Variants in RALGPS2 observed in about 807,000 individuals in gnomAD.
The protein encoded by RALGPS2 is ras-specific guanine nucleotide-releasing factor RalGPS2.
A neutral mutation model predicts 86.8 loss-of-function variants in RALGPS2; 43 were observed. The observed-to-expected ratio is 0.50, with a 90% confidence interval of 0.39 to 0.64. RALGPS2 has a LOEUF of 0.64. RALGPS2 is among the 30% of genes least tolerant of loss of function. RALGPS2 has a pLI of 0.00. For missense variants in RALGPS2, 536 were observed against 694.6 expected (o/e 0.77, Z 2.57); for synonymous variants, 243 against 231.3 (o/e 1.05, Z -0.46).
chr1:178,838,035 T>C (rs1656372216), intron 8 of RALGPS2, among the ~76,000 whole-genome samples: 1 of 152,044 alleles, frequency 6.6e-6, no homozygotes, highest in Admixed American at 6.6e-5. Flanking sequence ...GCCTGGAAGC[T>C]CAAACTGGGT....
At chr1:178,910,126 T>C (rs1199628920) in intron 19 of RALGPS2, among the ~76,000 whole-genome samples, 1 of 152,234 alleles carries the variant, frequency 6.6e-6, no homozygotes, top group African/African-American at 2.4e-5. Context: ...CCTGAGACTT[T>C]GCTGAAGTTG....
At chr1:178,735,956 CT>C (rs1054838708) in intron 1 of RALGPS2, among the ~76,000 whole-genome samples, 1 of 151,892 alleles carries the variant, frequency 6.6e-6, no homozygotes, top group Non-Finnish European at 1.5e-5. Context: ...GAGTTAACAT[CT>C]TTTTTTATAG....
intron 4 of RALGPS2, among the ~76,000 whole-genome samples, chr1:178,793,214 ATC>A (rs1237924345): frequency 1.3e-5 from 2 of 152,134 alleles, no homozygotes; most frequent in Non-Finnish European, 2.9e-5. Flanking sequence ...TGCTAATACA[ATC>A]TGTTTCTTGT....
chr1:178,850,855 T>A (rs1457969719), intron 8 of RALGPS2: 1 of 274,948 alleles, frequency 3.6e-6, no homozygotes, highest in Non-Finnish European at 6.7e-6. Flanking sequence ...TTGCTTTACA[T>A]TGTGGCAAAT....
intron 10 of RALGPS2, among the ~76,000 whole-genome samples, chr1:178,882,322 G>T (rs183067057): frequency 2.0e-5 from 3 of 152,106 alleles, no homozygotes; most frequent in Non-Finnish European, 4.4e-5. Context: ...CAGGAATACC[G>T]TGTCTGCCGT....
intron 7 of RALGPS2, among the ~76,000 whole-genome samples, chr1:178,822,339 G>A (rs1655546458): frequency 6.6e-6 from 1 of 151,780 alleles, no homozygotes; most frequent in South Asian, 2.1e-4. Context: ...TTCATTTATA[G>A]TTTATATAAG....
intron 2 of RALGPS2, among the ~76,000 whole-genome samples, chr1:178,780,512 C>T (rs998608817): frequency 3.3e-5 from 5 of 152,052 alleles, no homozygotes; most frequent in Non-Finnish European, 7.4e-5. Context: ...TCCTCATTGC[C>T]TACTAATTAA....
Position 178,857,124 on chromosome 1 carries a change from G to A in RALGPS2, c.608-20374G>A, listed in dbSNP as rs144755696. Among the ~76,000 whole-genome samples the A allele has an allele frequency of 7.9e-5, 12 of 152,238 alleles. No homozygotes were observed. The East Asian group carries it at 2.3e-3, about 29-fold the overall frequency. On this transcript the variant is annotated intron_variant, in intron 8 of 19. Transcript: ENST00000367635. ...TTTACAGAATTTTAATTTCTTATGT[G>A]GGAGTGAGATGGAAGGAAAAGTAAA...
At chr1:178,914,316 C>G (rs1443357566) in intron 19 of RALGPS2, among the ~76,000 whole-genome samples, 15 of 152,160 alleles carry the variant, frequency 9.9e-5, no homozygotes, top group African/African-American at 3.1e-4. Context: ...TTCCCCCTGG[C>G]AACTCAAATA....
At chr1:178,782,713 A>G (rs1653452788) in intron 2 of RALGPS2, among the ~76,000 whole-genome samples, 1 of 151,968 alleles carries the variant, frequency 6.6e-6, no homozygotes, top group Non-Finnish European at 1.5e-5. Flanking sequence ...GTATAATACT[A>G]AGATTTCAGC....
intron 8 of RALGPS2, among the ~76,000 whole-genome samples, chr1:178,853,958 G>T (rs1055970470): frequency 7.3e-5 from 11 of 151,724 alleles, no homozygotes; most frequent in Admixed American, 3.9e-4. Context: ...AGTTCTATCT[G>T]GAACATTAAT....
chr1:178,758,333 G>A (rs1038093058), intron 1 of RALGPS2, among the ~76,000 whole-genome samples: 16 of 151,960 alleles, frequency 1.1e-4, no homozygotes, highest in African/African-American at 3.1e-4. Context: ...CATACAGTGC[G>A]TAATAATCAT....
intron 19 of RALGPS2, among the ~76,000 whole-genome samples, chr1:178,909,643 A>ATTTTTTTTTTTTT (rs57890269): frequency 1.4e-5 from 1 of 72,384 alleles, no homozygotes; most frequent in Non-Finnish European, 2.5e-5. Flanking sequence ...TTCTTTTTTA[A>ATTTTTTTTTTTTT]TTTTTTTTTT....
At chr1:178,799,109 C>T (rs1443818986) in intron 4 of RALGPS2, among the ~76,000 whole-genome samples, 2 of 152,014 alleles carry the variant, frequency 1.3e-5, no homozygotes, top group Admixed American at 6.6e-5. Context: ...GCGCGATCTC[C>T]GCTCACCACA....
At chr1:178,751,086 T>C in intron 1 of RALGPS2, among the ~76,000 whole-genome samples, 1 of 152,040 alleles carries the variant, frequency 6.6e-6, no homozygotes, top group Non-Finnish European at 1.5e-5. Flanking sequence ...TTGAGCTGGC[T>C]AGAGTCTTTG....
At chr1:178,749,027 G>A (rs990008369) in intron 1 of RALGPS2, among the ~76,000 whole-genome samples, 3 of 151,972 alleles carry the variant, frequency 2.0e-5, no homozygotes, top group South Asian at 2.1e-4. Flanking sequence ...TGAGGTGGAC[G>A]GAGTCTTGCT....
chr1:178,765,024 T>A (rs1430613725), intron 1 of RALGPS2, among the ~76,000 whole-genome samples: 1 of 152,156 alleles, frequency 6.6e-6, no homozygotes, highest in Non-Finnish European at 1.5e-5. Flanking sequence ...TGTGAAGATA[T>A]GCTTGCTTCC....
chr1:178,892,536 A>G (rs1046196841), intron 15 of RALGPS2, among the ~76,000 whole-genome samples: 1 of 152,142 alleles, frequency 6.6e-6, no homozygotes, highest in Non-Finnish European at 1.5e-5. Context: ...AATGTTACAT[A>G]TTTTAAAATG....
chr1:178,761,750 G>A (rs542022651), intron 1 of RALGPS2, among the ~76,000 whole-genome samples: 70 of 151,982 alleles, frequency 4.6e-4, no homozygotes, highest in African/African-American at 1.6e-3. Context: ...TAGTAGAGAC[G>A]GGGTCTCAAC....
Sources: gnomAD v4.1 joint callset for allele counts (sites outside exome capture counted in the v4.1 genomes callset) on GRCh38, gnomAD v4.1.1 for gene constraint, MANE v1.5 for transcripts, NCBI Gene and HGNC (gene_info 2026-07-23, HGNC 2026-07-21) for gene names.